The following NTM variants were observed in gnomAD, a reference collection of about 807,000 sequenced individuals.
NTM encodes IgLON family member 2.
In NTM, 13 loss-of-function variants were observed where a neutral mutation model predicts 42.1. The observed-to-expected ratio is 0.31, with a 90% CI of 0.20 to 0.49. The LOEUF (loss-of-function observed/expected upper bound fraction) is 0.49. NTM is among the 20% of genes least tolerant of loss of function. NTM has a pLI of 0.99. For missense variants in NTM, 373 were observed against 452.8 expected (o/e 0.82, Z 1.60); for synonymous variants, 187 against 179.2 (o/e 1.04, Z -0.35).
At chr11:131,452,535 A>G (rs1950561172) in intron 1 of NTM, among the ~76,000 whole-genome samples, 3 of 152,228 alleles carry the variant, frequency 2.0e-5, no homozygotes, top group African/African-American at 7.2e-5. Flanking sequence ...GAAGTTAATG[A>G]TAACTTTTTT....
intron 2 of NTM, among the ~76,000 whole-genome samples, chr11:132,142,458 C>G (rs927025116): frequency 7.9e-5 from 12 of 152,246 alleles, no homozygotes; most frequent in African/African-American, 2.9e-4. Flanking sequence ...AGAGCCTTCT[C>G]TGTGGCTGAG....
At chr11:131,605,910 G>T (rs2060911512) in intron 1 of NTM, 1 of 979,924 alleles carries the variant, frequency 1.0e-6, no homozygotes, top group Admixed American at 6.2e-5. Context: ...TTTCAATTCT[G>T]TGCTTTCTCT....
chr11:131,425,843 G>C (rs1472780715), intron 1 of NTM, among the ~76,000 whole-genome samples: 1 of 151,844 alleles, frequency 6.6e-6, no homozygotes. Context: ...TGGGTCTTTC[G>C]GTAAGTTCTT....
chr11:131,797,907 A>G (rs2091746474), intron 1 of NTM, among the ~76,000 whole-genome samples: 1 of 152,080 alleles, frequency 6.6e-6, no homozygotes, highest in South Asian at 2.1e-4. Context: ...AATAATTCCA[A>G]TTGTGCACAA....
At chr11:131,610,393 A>G (rs904434468) in intron 1 of NTM, among the ~76,000 whole-genome samples, 1 of 152,200 alleles carries the variant, frequency 6.6e-6, no homozygotes, top group African/African-American at 2.4e-5. Context: ...TGGGGCTTTT[A>G]TTGGGGCTTT....
chr11:131,935,373 G>C (rs2059098731), intron 2 of NTM, among the ~76,000 whole-genome samples: 1 of 152,092 alleles, frequency 6.6e-6, no homozygotes, highest in Non-Finnish European at 1.5e-5. Context: ...CAGAATGTCG[G>C]GCTTTTTGTT....
intron 1 of NTM, among the ~76,000 whole-genome samples, chr11:131,386,616 C>T (rs2135557266): frequency 1.3e-5 from 2 of 152,304 alleles, no homozygotes; most frequent in Middle Eastern, 3.4e-3. Flanking sequence ...GAGTATATTG[C>T]AGGGAAAATA....
intron 2 of NTM, among the ~76,000 whole-genome samples, chr11:132,115,760 G>A (rs775184028): frequency 6.6e-5 from 10 of 152,244 alleles, no homozygotes; most frequent in Middle Eastern, 3.4e-3. Context: ...ATGATGTTGC[G>A]TTCCTCTCCC....
At chr11:132,184,580 G>C (rs547884933) in intron 3 of NTM, among the ~76,000 whole-genome samples, 105 of 152,310 alleles carry the variant, frequency 6.9e-4, no homozygotes, top group African/African-American at 2.4e-3. Flanking sequence ...GTAGTTAAAG[G>C]TGGTGAAACC....
intron 2 of NTM, among the ~76,000 whole-genome samples, chr11:131,969,785 AT>A (rs545201781): frequency 4.0e-4 from 61 of 152,244 alleles, no homozygotes; most frequent in African/African-American, 1.4e-3. Flanking sequence ...CAATGTTTTC[AT>A]TTTAGTATAA....
At chr11:131,749,767 T>C (rs2082256594) in intron 1 of NTM, among the ~76,000 whole-genome samples, 1 of 152,048 alleles carries the variant, frequency 6.6e-6, no homozygotes, top group Admixed American at 6.6e-5. Context: ...CTCAGATAAT[T>C]TTTTCTATTT....
intron 2 of NTM, among the ~76,000 whole-genome samples, chr11:132,007,218 T>G (rs368807596): frequency 1.3e-5 from 2 of 152,238 alleles, no homozygotes; most frequent in Non-Finnish European, 2.9e-5. Flanking sequence ...CTGATCTTAA[T>G]GCAAAACCTA....
intron 1 of NTM, among the ~76,000 whole-genome samples, chr11:131,845,383 T>G (rs1178664453): frequency 1.1e-4 from 16 of 152,094 alleles, no homozygotes; most frequent in Admixed American, 9.8e-4. Context: ...CTGACTGAAA[T>G]GGAAATCTGT....
chr11:131,633,523 G>GTCTC (rs951697594), intron 1 of NTM, among the ~76,000 whole-genome samples: 8 of 148,554 alleles, frequency 5.4e-5, no homozygotes, highest in Admixed American at 1.3e-4. Context: ...TCAGGGTTCT[G>GTCTC]TCTCTCTCTC....
In NTM at chr11:131,963,765, T is replaced by C. The variant is rs138304122; in HGVS notation, c.167+52117T>C. On this transcript the variant is annotated intron_variant, in intron 2 of 8. Transcript: ENST00000683400. ...ATAATAATGATGACAGCTACACTTA[T>C]ATAGTGCTCACTATGCACTAGGCCT... 5.9e-3 allele frequency among the ~76,000 whole-genome samples: 895 copies of C among 152,378 alleles called. 7 individuals are homozygous for C. Among genetic ancestry groups the C allele is most frequent in the African/African-American group, 0.021 (860 of 41,586 alleles).
intron 3 of NTM, among the ~76,000 whole-genome samples, chr11:132,155,186 G>T (rs952194001): frequency 6.6e-6 from 1 of 152,144 alleles, no homozygotes; most frequent in Non-Finnish European, 1.5e-5. Context: ...TTGGGTTACA[G>T]TCTGAATTTT....
At chr11:131,391,074 G>A (rs957762450) in intron 1 of NTM, among the ~76,000 whole-genome samples, 2 of 152,140 alleles carry the variant, frequency 1.3e-5, no homozygotes, top group African/African-American at 4.8e-5. Flanking sequence ...CTTACTACAC[G>A]TGTGCTACTA....
intron 1 of NTM, among the ~76,000 whole-genome samples, chr11:131,802,788 C>A (rs1391388331): frequency 6.6e-6 from 1 of 152,176 alleles, no homozygotes; most frequent in African/African-American, 2.4e-5. Context: ...GAAAAGAAAG[C>A]GAGAAACAAA....
At chr11:131,961,725 G>A (rs1293615990) in intron 2 of NTM, among the ~76,000 whole-genome samples, 1 of 152,164 alleles carries the variant, frequency 6.6e-6, no homozygotes, top group East Asian at 1.9e-4. Context: ...ATAGCCCTGA[G>A]AGGGGGTCAA....
Sources: allele counts gnomAD v4.1 joint callset (sites outside exome capture counted in the v4.1 genomes callset), GRCh38; gene constraint gnomAD v4.1.1; transcripts MANE v1.5; gene names NCBI Gene and HGNC (gene_info 2026-07-23, HGNC 2026-07-21).